SFMBT2: variants seen among roughly 807,000 people sequenced by gnomAD.
SFMBT2 encodes the protein scm-like with four MBT domains protein 2.
SFMBT2 carries 38 observed loss-of-function variants against 110.1 expected under a neutral mutation model. That is an observed-to-expected ratio of 0.35 (90% CI 0.27 to 0.45). The LOEUF (loss-of-function observed/expected upper bound fraction) is 0.45, where lower values mean the gene tolerates loss of function less well. Among genes scored for constraint, SFMBT2 ranks in the 20% least tolerant of loss-of-function variants. The pLI is 1.00. For synonymous variants in SFMBT2, 425 were observed against 425.4 expected, an observed-to-expected ratio of 1.00 and a Z score of 0.01; for missense variants, 1,011 against 1,094.9, an observed-to-expected ratio of 0.92 and a Z score of 1.08.
intron 2 of SFMBT2, among the ~76,000 whole-genome samples, chr10:7,377,663 C>A (rs971492284): frequency 3.3e-5 from 5 of 152,130 alleles, no homozygotes; most frequent in African/African-American, 1.2e-4. Flanking sequence ...ATAGGGGTCA[C>A]ACTCCTATGA....
intron 2 of SFMBT2, 95 bp from the exon 3 acceptor site, chr10:7,370,470 C>A: frequency 9.6e-7 from 1 of 1,042,188 alleles, no homozygotes; most frequent in South Asian, 1.3e-5. Flanking sequence ...TCATACAAGA[C>A]ACAAGCTAAT....
intron 9 of SFMBT2, among the ~76,000 whole-genome samples, chr10:7,239,583 T>C (rs1267513866): frequency 6.6e-6 from 1 of 152,170 alleles, no homozygotes; most frequent in East Asian, 1.9e-4. Context: ...AAAATAAATA[T>C]ACTGCACTCT....
At chr10:7,325,031 G>A (rs190847203) in intron 4 of SFMBT2, among the ~76,000 whole-genome samples, 2 of 134,896 alleles carry the variant, frequency 1.5e-5, no homozygotes, top group Admixed American at 8.5e-5. Context: ...GCAATGGCAC[G>A]ATCTCGGCTC....
Position 7,388,077 on chromosome 10 carries a change from G to A in SFMBT2, c.-51-6128C>T, listed in dbSNP as rs148333470. 9.2e-4 allele frequency among the ~76,000 whole-genome samples: 140 copies of A among 152,208 alleles called. 1 individual carries two copies. The highest frequency in any genetic ancestry group is 3.3e-3 in the African/African-American group (136 of 41,518). On this transcript the variant is annotated intron_variant, in intron 1 of 20. Transcript: ENST00000397167. ...TGGGAGACAGGAACGTGGAGCAAGC[G>A]GCATCACGCCCATTCATCCCCAAAT...
At chr10:7,378,136 G>T (rs1845303899) in intron 2 of SFMBT2, among the ~76,000 whole-genome samples, 1 of 150,276 alleles carries the variant, frequency 6.7e-6, no homozygotes, top group Non-Finnish European at 1.5e-5. Flanking sequence ...GAGTGTGGGT[G>T]TGAGTGTATG....
chr10:7,339,462 T>C (rs1042837376), intron 4 of SFMBT2, among the ~76,000 whole-genome samples: 8 of 152,212 alleles, frequency 5.3e-5, no homozygotes, highest in Non-Finnish European at 1.0e-4. Context: ...TTTCTTCCTA[T>C]TTTGAAACAA....
At chr10:7,211,416 T>A (rs75438848) in intron 11 of SFMBT2, among the ~76,000 whole-genome samples, 2,490 of 152,248 alleles carry the variant, frequency 0.016, 69 homozygotes, top group African/African-American at 0.056. Flanking sequence ...AACTTTGCTA[T>A]GGTTCCTGCT....
intron 10 of SFMBT2, among the ~76,000 whole-genome samples, chr10:7,221,845 T>C (rs1047919491): frequency 1.6e-4 from 24 of 152,324 alleles, no homozygotes; most frequent in Non-Finnish European, 3.4e-4. Flanking sequence ...GTGAATTTCA[T>C]TATGCAGCTA....
intron 15 of SFMBT2, among the ~76,000 whole-genome samples, chr10:7,193,731 C>A (rs543007671): frequency 7.2e-4 from 110 of 152,320 alleles, no homozygotes; most frequent in African/African-American, 2.6e-3. Flanking sequence ...GATACACTGT[C>A]TATAAAGTGA....
Position 7,222,819 on chromosome 10 carries a change from C to T in SFMBT2, c.1204-2282G>A, listed in dbSNP as rs567075776. On this transcript the variant is annotated intron_variant, in intron 10 of 20. Transcript: ENST00000397167. ...TGAGTAGCTGGGACTATAGGAATGC[C>T]CCACCATGCCCAGCTAATTTTTTTA... 2.3e-3 allele frequency among the ~76,000 whole-genome samples: 345 copies of T among 151,964 alleles called. 1 individual carries two copies. Among genetic ancestry groups the T allele is most frequent in the African/African-American group, 7.8e-3 (325 of 41,462 alleles).
At chr10:7,287,374 C>A (rs1314105046) in intron 4 of SFMBT2, 1 of 243,842 alleles carries the variant, frequency 4.1e-6, no homozygotes, top group Non-Finnish European at 6.6e-6. Flanking sequence ...CCACCGCACC[C>A]GGCCAAGGCA....
chr10:7,236,564 A>C (rs1301159756), intron 9 of SFMBT2, among the ~76,000 whole-genome samples: 1 of 152,242 alleles, frequency 6.6e-6, no homozygotes, highest in African/African-American at 2.4e-5. Flanking sequence ...AACGATGCAG[A>C]GACAAGTGGG....
In SFMBT2 at chr10:7,220,919, C is replaced by T. The variant is rs943368564; in HGVS notation, c.1204-382G>A. 7.9e-5 allele frequency among the ~76,000 whole-genome samples: 12 copies of T among 151,908 alleles called. No homozygotes were observed. The South Asian group carries it at 1.2e-3, about 16-fold the overall frequency. ...TCGGCTCACTGCCAGTTCCGCCTCC[C>T]GGGTTCACGCCATTCTCCTAACTCA... is the stretch of plus-strand genomic sequence containing the variant. On this transcript the variant is annotated intron_variant, in intron 10 of 20. Coordinates refer to ENST00000397167, the MANE Select transcript of SFMBT2 (RefSeq NM_001387889.1).
At chr10:7,350,710 C>CATA (rs1844285855) in intron 4 of SFMBT2, among the ~76,000 whole-genome samples, 4 of 152,156 alleles carry the variant, frequency 2.6e-5, no homozygotes, top group Admixed American at 2.0e-4. Context: ...CTACCATAGC[C>CATA]ATAATAATAA....
intron 1 of SFMBT2, among the ~76,000 whole-genome samples, chr10:7,389,490 G>A (rs1338962755): frequency 6.6e-6 from 1 of 152,142 alleles, no homozygotes; most frequent in African/African-American, 2.4e-5. Flanking sequence ...TCAGAAGACT[G>A]GGCTTATAAA....
At chr10:7,342,175 C>G (rs1843928738) in intron 4 of SFMBT2, among the ~76,000 whole-genome samples, 1 of 151,154 alleles carries the variant, frequency 6.6e-6, no homozygotes, top group Non-Finnish European at 1.5e-5. Context: ...TTGGATAGTA[C>G]TAAAGAGAAC....
At chr10:7,226,615 T>C (rs765746668) in intron 10 of SFMBT2, among the ~76,000 whole-genome samples, 2 of 152,244 alleles carry the variant, frequency 1.3e-5, no homozygotes, top group East Asian at 1.9e-4. Flanking sequence ...ACTAAAAGCA[T>C]GTTGAACACA....
intron 4 of SFMBT2, among the ~76,000 whole-genome samples, chr10:7,342,441 C>T (rs749670935): frequency 5.0e-4 from 61 of 122,844 alleles, no homozygotes; most frequent in Non-Finnish European, 8.6e-4. Context: ...CAGAGTCTCG[C>T]TCTGTCGCCC....
intron 11 of SFMBT2, chr10:7,219,961 T>C (rs1489138337): frequency 6.6e-6 from 1 of 152,648 alleles, no homozygotes; most frequent in Non-Finnish European, 1.5e-5. Context: ...TATTAGACAT[T>C]TGGGGAGAAA....
Sources: gnomAD v4.1 joint callset for allele counts (sites outside exome capture counted in the v4.1 genomes callset) on GRCh38, gnomAD v4.1.1 for gene constraint, MANE v1.5 for transcripts, NCBI Gene and HGNC (gene_info 2026-07-23, HGNC 2026-07-21) for gene names.